The following MALL variants were observed in gnomAD, a reference collection of about 807,000 sequenced individuals.
The protein encoded by MALL is mal, T cell differentiation protein like, also known as MAL-like protein.
A neutral mutation model predicts 10.3 loss-of-function variants in MALL; 2 were observed. The ratio of observed to expected loss-of-function variants is 0.19; its 90% CI spans 0.08 to 0.61. The LOEUF (loss-of-function observed/expected upper bound fraction) is 0.61. MALL is among the 20% of genes least tolerant of loss of function. The pLI, the probability that MALL is intolerant of heterozygous loss-of-function variation, is 0.88. For synonymous variants in MALL, 27 were observed against 51.8 expected (o/e 0.52, Z 2.05); for missense variants, 39 against 115.2 (o/e 0.34, Z 3.03).
In MALL at chr2:110,097,195, G is replaced by T. The variant is rs147135021; in HGVS notation, c.106-5425C>A. On this transcript the variant is annotated intron_variant, in intron 1 of 3. Coordinates refer to ENST00000272462, the MANE Select transcript of MALL (RefSeq NM_005434.5). Reference sequence around the variant, plus strand: ...CAGTGTACCCAGTGTGCTAGGATTTGTGCAGAAAAATAAGAAAATGCATGT... The same window carrying T: ...CAGTGTACCCAGTGTGCTAGGATTTTTGCAGAAAAATAAGAAAATGCATGT... 4.1e-3 allele frequency among the ~76,000 whole-genome samples: 630 copies of T among 151,956 alleles called. 16 individuals carry two copies. The East Asian group carries it at 0.063, about 15-fold the overall frequency.
At chr2:110,117,562 TG>T (rs1380929488), upstream of MALL, among the ~76,000 whole-genome samples, 3 of 151,514 alleles carry the variant, frequency 2.0e-5, no homozygotes, top group Non-Finnish European at 4.4e-5. Context: ...CTCTTCTGAC[TG>T]GGTCTATCTT....
chr2:110,109,482 C>G (rs1409881210), intron 1 of MALL, among the ~76,000 whole-genome samples: 1 of 152,130 alleles, frequency 6.6e-6, no homozygotes, highest in Non-Finnish European at 1.5e-5. Context: ...GGTAAAAGGC[C>G]TTGTCCGACA....
intron 1 of MALL, among the ~76,000 whole-genome samples, chr2:110,103,164 A>T (rs1178860786): frequency 6.6e-6 from 1 of 151,880 alleles, no homozygotes; most frequent in Non-Finnish European, 1.5e-5. Context: ...TCTTCTAGGG[A>T]CAGTTTGTGG....
At chr2:110,096,503 G>C (rs1678442818) in intron 1 of MALL, among the ~76,000 whole-genome samples, 1 of 151,960 alleles carries the variant, frequency 6.6e-6, no homozygotes, top group Non-Finnish European at 1.5e-5. Context: ...ATAACCATTT[G>C]GAACGGCACA....
chr2:110,102,548 G>A (rs1409315047), intron 1 of MALL, among the ~76,000 whole-genome samples: 1 of 152,184 alleles, frequency 6.6e-6, no homozygotes, highest in Non-Finnish European at 1.5e-5. Flanking sequence ...CCACTCACTA[G>A]CTGCTCACAG....
chr2:110,102,665 C>T lies in MALL; in HGVS notation c.106-10895G>A, dbSNP rs536188921. Among the ~76,000 whole-genome samples, 11 of 152,320 alleles carry T rather than the reference C, an allele frequency of 7.2e-5. No homozygotes were observed. The South Asian group carries it at 2.3e-3, about 32-fold the overall frequency. ...CCGGCATTCCTGCCAGGAGCCTGAA[C>T]CAAATGGAGACAGACGTGTATTTGT... On this transcript the variant is annotated intron_variant, in intron 1 of 3. Coordinates refer to ENST00000272462, the MANE Select transcript of MALL (RefSeq NM_005434.5).
intron 1 of MALL, among the ~76,000 whole-genome samples, chr2:110,113,877 C>T (rs1678856169): frequency 6.6e-6 from 1 of 152,154 alleles, no homozygotes; most frequent in South Asian, 2.1e-4. Context: ...AGAACTTTCT[C>T]TACTATTATT....
intron 1 of MALL, among the ~76,000 whole-genome samples, chr2:110,110,795 T>C (rs897208685): frequency 6.6e-6 from 1 of 152,126 alleles, no homozygotes; most frequent in Admixed American, 6.5e-5. Flanking sequence ...ATGTCTTTGA[T>C]GAACATAGAT....
intron 1 of MALL, among the ~76,000 whole-genome samples, chr2:110,101,873 T>A (rs1678570772): frequency 1.3e-5 from 2 of 152,018 alleles, no homozygotes; most frequent in Admixed American, 1.3e-4. Flanking sequence ...ACACAGCATT[T>A]GGGGGGCATA....
intron 1 of MALL, among the ~76,000 whole-genome samples, chr2:110,103,959 G>T (rs1678633006): frequency 6.6e-6 from 1 of 152,188 alleles, no homozygotes; most frequent in Admixed American, 6.5e-5. Context: ...CTAGGTTCTG[G>T]CAGGGGAGGA....
At chr2:110,108,591 A>G (rs762152431) in intron 1 of MALL, among the ~76,000 whole-genome samples, 37 of 152,156 alleles carry the variant, frequency 2.4e-4, no homozygotes, top group Non-Finnish European at 5.0e-4. Context: ...GGAAGAAGAG[A>G]ATTCTAAAAG....
chr2:110,099,706 A>G (rs756089294), intron 1 of MALL, among the ~76,000 whole-genome samples: 1 of 152,118 alleles, frequency 6.6e-6, no homozygotes, highest in African/African-American at 2.4e-5. Flanking sequence ...GTCCTGGTCA[A>G]CGAGACAGAG....
intron 1 of MALL, among the ~76,000 whole-genome samples, chr2:110,105,480 C>A (rs1232987255): frequency 6.6e-6 from 1 of 152,194 alleles, no homozygotes; most frequent in Non-Finnish European, 1.5e-5. Context: ...CCATGTCCTG[C>A]AGGAGAACAG....
chr2:110,117,616 TGTGTGTGTGAGAGAGA>T (rs1312038231), upstream of MALL, among the ~76,000 whole-genome samples: 5 of 134,510 alleles, frequency 3.7e-5, no homozygotes, highest in African/African-American at 1.4e-4. Context: ...TGTGTGTGTG[TGTGTGTGTGAGAGAGA>T]GAGAGAGAGA....
At chr2:110,095,129 A>G (rs576328450) in intron 1 of MALL, among the ~76,000 whole-genome samples, 2 of 151,760 alleles carry the variant, frequency 1.3e-5, no homozygotes, top group South Asian at 4.2e-4. Context: ...TCGTGATCTC[A>G]TTTCTGTCTC....
intron 1 of MALL, among the ~76,000 whole-genome samples, chr2:110,110,807 C>T (rs995602941): frequency 3.3e-5 from 5 of 152,108 alleles, no homozygotes; most frequent in African/African-American, 9.6e-5. Context: ...AACATAGATG[C>T]TAAAATCCTT....
At chr2:110,095,121 G>C (rs10207734) in intron 1 of MALL, among the ~76,000 whole-genome samples, 116,215 of 151,188 alleles carry the variant, frequency 0.77, 48,636 homozygotes, top group Non-Finnish European at 0.93. Flanking sequence ...AGTAGAGTTC[G>C]TGATCTCATT....
chr2:110,109,938 A>G (rs1678770499), intron 1 of MALL, among the ~76,000 whole-genome samples: 1 of 152,192 alleles, frequency 6.6e-6, no homozygotes, highest in South Asian at 2.1e-4. Flanking sequence ...CCATTCAAAT[A>G]CATGGAAATT....
chr2:110,095,501 A>G (rs754536681), intron 1 of MALL, among the ~76,000 whole-genome samples: 11 of 152,130 alleles, frequency 7.2e-5, no homozygotes, highest in Non-Finnish European at 1.3e-4. Flanking sequence ...TAGGTTTTTA[A>G]AACCTATTCT....
Sources: allele counts gnomAD v4.1 joint callset (sites outside exome capture counted in the v4.1 genomes callset), GRCh38; gene constraint gnomAD v4.1.1; transcripts MANE v1.5; gene names NCBI Gene and HGNC (gene_info 2026-07-23, HGNC 2026-07-21).